SPAG16: variants seen among roughly 807,000 people sequenced by gnomAD.
SPAG16 encodes the protein sperm-associated antigen 16 protein.
In SPAG16, 86 loss-of-function variants were observed where a neutral mutation model predicts 80.4. The ratio of observed to expected loss-of-function variants is 1.07; its 90% confidence interval spans 0.90 to 1.28. The LOEUF is 1.28. Ranked by LOEUF, SPAG16 falls within the 50% of genes most tolerant of loss-of-function variation. The pLI is 0.00. For synonymous variants in SPAG16, 294 were observed against 265.9 expected (o/e 1.11, Z -1.03); for missense variants, 870 against 765.3 (o/e 1.14, Z -1.61).
chr2:214,288,968 C>G (rs1252071974), intron 15 of SPAG16, among the ~76,000 whole-genome samples: 1 of 152,062 alleles, frequency 6.6e-6, no homozygotes, highest in Non-Finnish European at 1.5e-5. Context: ...CGGGGTTTCA[C>G]CGTGTTAGCC....
intron 15 of SPAG16, among the ~76,000 whole-genome samples, chr2:214,278,507 G>T (rs150106757): frequency 6.6e-6 from 1 of 152,276 alleles, no homozygotes; most frequent in African/African-American, 2.4e-5. Flanking sequence ...TTGTCTAGGT[G>T]GAGGAACTGT....
chr2:213,702,908 T>A (rs1174436747), intron 10 of SPAG16, among the ~76,000 whole-genome samples: 1 of 152,198 alleles, frequency 6.6e-6, no homozygotes, highest in Non-Finnish European at 1.5e-5. Context: ...GGTGGGCTTC[T>A]CTTTGGGTTT....
intron 10 of SPAG16, among the ~76,000 whole-genome samples, chr2:213,846,289 A>C (rs1002551303): frequency 5.3e-5 from 8 of 152,086 alleles, no homozygotes; most frequent in Admixed American, 4.6e-4. Flanking sequence ...AAGTACATAC[A>C]TAAGTATAAA....
At chr2:213,530,120 T>C (rs2076020327) in intron 10 of SPAG16, among the ~76,000 whole-genome samples, 1 of 152,246 alleles carries the variant, frequency 6.6e-6, no homozygotes, top group Non-Finnish European at 1.5e-5. Context: ...CTTAGGCTGT[T>C]TTAGAGTTAA....
chr2:213,871,536 G>A (rs1055947872), intron 11 of SPAG16, among the ~76,000 whole-genome samples: 3 of 151,834 alleles, frequency 2.0e-5, no homozygotes, highest in East Asian at 1.9e-4. Flanking sequence ...ACATGCAAGC[G>A]GAGGGCTGTG....
At chr2:213,571,971 G>A (rs1281896589) in intron 10 of SPAG16, among the ~76,000 whole-genome samples, 61 of 127,120 alleles carry the variant, frequency 4.8e-4, no homozygotes, top group Non-Finnish European at 8.8e-4. Context: ...TTCCCTTCTC[G>A]CTTCATTTCA....
chr2:213,545,482 A>G (rs1553562463), intron 10 of SPAG16, among the ~76,000 whole-genome samples: 1 of 152,118 alleles, frequency 6.6e-6, no homozygotes, highest in Non-Finnish European at 1.5e-5. Flanking sequence ...AATCCAGCTT[A>G]TCAATTTATT....
At chr2:214,158,368 ATAT>A (rs1559092376) in intron 15 of SPAG16, among the ~76,000 whole-genome samples, 1 of 152,068 alleles carries the variant, frequency 6.6e-6, no homozygotes, top group Non-Finnish European at 1.5e-5. Flanking sequence ...TGATATAAAA[ATAT>A]TATTTAAAAA....
chr2:213,617,091 A>C (rs554399570), intron 10 of SPAG16, among the ~76,000 whole-genome samples: 1 of 152,330 alleles, frequency 6.6e-6, no homozygotes, highest in East Asian at 1.9e-4. Flanking sequence ...GGAAAAGATA[A>C]GTCCAAAAAG....
At chr2:213,858,170 A>G (rs752421622) in intron 10 of SPAG16, among the ~76,000 whole-genome samples, 1 of 152,220 alleles carries the variant, frequency 6.6e-6, no homozygotes, top group Non-Finnish European at 1.5e-5. Context: ...TTTGATAAAG[A>G]TGTTTGAGAG....
chr2:213,725,871 G>A (rs1021016249), intron 10 of SPAG16, among the ~76,000 whole-genome samples: 2 of 152,192 alleles, frequency 1.3e-5, no homozygotes, highest in African/African-American at 2.4e-5. Flanking sequence ...ATAGCTGGCT[G>A]GGTCACAGAG....
Position 213,585,183 on chromosome 2 carries a change from C to G in SPAG16, c.1070+95093C>G, listed in dbSNP as rs547379556. 1.4e-4 allele frequency among the ~76,000 whole-genome samples: 20 copies of G among 146,454 alleles called. 1 individual carries two copies. The South Asian group carries it at 3.5e-3, about 25-fold the overall frequency. ...CAGCCTGCACAATGAGAGTGAGACT[C>G]CATCTCAAAAAAAAAAAAAAAGTCT... On this transcript the variant is annotated intron_variant, in intron 10 of 15. Transcript: ENST00000331683.
intron 6 of SPAG16, among the ~76,000 whole-genome samples, chr2:213,341,331 G>A (rs2064675618): frequency 6.6e-6 from 1 of 152,152 alleles, no homozygotes; most frequent in Non-Finnish European, 1.5e-5. Context: ...CTGCGCGATT[G>A]CATAATAAAT....
intron 10 of SPAG16, among the ~76,000 whole-genome samples, chr2:213,514,403 A>G (rs2075343011): frequency 6.6e-6 from 1 of 152,240 alleles, no homozygotes; most frequent in African/African-American, 2.4e-5. Flanking sequence ...ATTAGAGTTT[A>G]CATCATTTAA....
chr2:214,006,482 C>A (rs1232574107), intron 12 of SPAG16, among the ~76,000 whole-genome samples: 2 of 151,408 alleles, frequency 1.3e-5, no homozygotes, highest in Non-Finnish European at 2.9e-5. Flanking sequence ...CAAATTAAAG[C>A]AGCAAGGAAA....
At chr2:213,854,599 G>T (rs562361607) in intron 10 of SPAG16, among the ~76,000 whole-genome samples, 35 of 152,268 alleles carry the variant, frequency 2.3e-4, no homozygotes, top group African/African-American at 7.9e-4. Context: ...TATGTGTCTA[G>T]CACCATTCTA....
At chr2:213,753,008 TTTTTTCAATTTTTTTC>T (rs1266906718) in intron 10 of SPAG16, among the ~76,000 whole-genome samples, 1 of 152,214 alleles carries the variant, frequency 6.6e-6, no homozygotes, top group Admixed American at 6.5e-5. Flanking sequence ...AAAGTTATTA[TTTTTTCAATTTTTTTC>T]TTTTTTGAGA....
intron 12 of SPAG16, among the ~76,000 whole-genome samples, chr2:213,967,179 C>T (rs1278154689): frequency 5.9e-5 from 9 of 152,128 alleles, no homozygotes; most frequent in Admixed American, 5.9e-4. Context: ...TTACATTCCA[C>T]TATAGGAACA....
chr2:213,803,162 C>A, intron 10 of SPAG16, among the ~76,000 whole-genome samples: 1 of 152,042 alleles, frequency 6.6e-6, no homozygotes, highest in East Asian at 1.9e-4. Context: ...ACAAGTAGGA[C>A]AATGGACAGA....
Sources: allele counts gnomAD v4.1 joint callset (sites outside exome capture counted in the v4.1 genomes callset), GRCh38; gene constraint gnomAD v4.1.1; transcripts MANE v1.5; gene names NCBI Gene and HGNC (gene_info 2026-07-23, HGNC 2026-07-21).